The following PRKN variants were observed in gnomAD, a reference collection of about 807,000 sequenced individuals.
PRKN encodes the protein parkin RBR E3 ubiquitin protein ligase, also known as E3 ubiquitin-protein ligase parkin.
PRKN carries 56 observed loss-of-function variants against 59.5 expected under a neutral mutation model. That is an observed-to-expected ratio of 0.94 (90% CI 0.76 to 1.18). The LOEUF (loss-of-function observed/expected upper bound fraction) is 1.18. Ranked by LOEUF, PRKN falls within the 50% of genes most tolerant of loss-of-function variation. The probability of loss-of-function intolerance (pLI) is 0.00; values close to 1 mark genes in which losing one functional copy is unlikely to be tolerated. For missense variants in PRKN, 657 were observed against 596.4 expected (o/e 1.10, Z -1.06); for synonymous variants, 250 against 222.1 (o/e 1.13, Z -1.12).
intron 4 of PRKN, among the ~76,000 whole-genome samples, chr6:162,191,347 T>G (rs913557884): frequency 2.0e-5 from 3 of 152,210 alleles, no homozygotes; most frequent in Non-Finnish European, 4.4e-5. Context: ...TTCGTTACTA[T>G]CACTGGCCAT....
intron 1 of PRKN, among the ~76,000 whole-genome samples, chr6:162,714,662 T>C (rs1778658205): frequency 6.6e-6 from 1 of 152,222 alleles, no homozygotes; most frequent in African/African-American, 2.4e-5. Context: ...TTAGTGATAT[T>C]GTAATTACTC....
chr6:162,692,544 G>C (rs931237574), intron 1 of PRKN, among the ~76,000 whole-genome samples: 1 of 147,576 alleles, frequency 6.8e-6, no homozygotes, highest in Admixed American at 7.0e-5. Context: ...AGTTACCCAC[G>C]TAGGTGTTCC....
At position 161,369,574 on chromosome 6, in the gene PRKN, G is replaced by C. The variant is rs976577338; in HGVS notation, c.1168-9369C>G. Among the ~76,000 whole-genome samples the C allele has an allele frequency of 6.6e-6, 1 of 152,124 alleles. No individual in the cohort carries two copies. The highest frequency in any genetic ancestry group is 1.5e-5 in the Non-Finnish European group (1 of 68,016). On this transcript the variant is annotated intron_variant, in intron 10 of 11. Coordinates refer to ENST00000366898, the MANE Select transcript of PRKN (RefSeq NM_004562.3). This position sits in a 1 kb window ranked among gnomAD's most constrained non-coding sequence, Gnocchi z 5.8. ...TTGTGCAATAAAGTGTGGCTCTCAC[G>C]GGGCAGTGTAACTGTTAGGTAATTG...
At chr6:161,903,460 G>A (rs1778013661) in intron 6 of PRKN, among the ~76,000 whole-genome samples, 2 of 152,170 alleles carry the variant, frequency 1.3e-5, no homozygotes, top group Admixed American at 1.3e-4. Flanking sequence ...AAAGAAAAGA[G>A]GGTGGGACCT....
chr6:162,296,075 A>C (rs2128111119), intron 2 of PRKN, among the ~76,000 whole-genome samples: 1 of 152,330 alleles, frequency 6.6e-6, no homozygotes, highest in African/African-American at 2.4e-5. Flanking sequence ...ATTTTAAATA[A>C]AATTTAAAAA....
intron 1 of PRKN, among the ~76,000 whole-genome samples, chr6:162,582,718 A>T (rs891850202): frequency 6.6e-6 from 1 of 152,158 alleles, no homozygotes; most frequent in South Asian, 2.1e-4. Context: ...CATAAGACCT[A>T]CCACAGTGCT....
At chr6:162,711,886 G>A (rs765938818) in intron 1 of PRKN, among the ~76,000 whole-genome samples, 2 of 152,206 alleles carry the variant, frequency 1.3e-5, no homozygotes, top group Non-Finnish European at 2.9e-5. Context: ...TAGCAGACTT[G>A]TCTTGCACCG....
chr6:162,315,838 T>C (rs1232723603), intron 2 of PRKN, among the ~76,000 whole-genome samples: 1 of 152,208 alleles, frequency 6.6e-6, no homozygotes, highest in Non-Finnish European at 1.5e-5. Flanking sequence ...TCCAAATCTA[T>C]TTACTTAGAA....
intron 1 of PRKN, among the ~76,000 whole-genome samples, chr6:162,532,754 G>A (rs948670704): frequency 9.9e-5 from 15 of 152,152 alleles, no homozygotes; most frequent in African/African-American, 3.4e-4. Context: ...ATCTGTATCG[G>A]AAGCAAAACT....
At chr6:161,767,433 C>T (rs1217175838) in intron 7 of PRKN, among the ~76,000 whole-genome samples, 2 of 151,702 alleles carry the variant, frequency 1.3e-5, no homozygotes, top group South Asian at 2.1e-4. Flanking sequence ...AGGAGAATGG[C>T]GTGAGCCCGG....
At chr6:162,087,573 G>A (rs1401672242) in intron 4 of PRKN, among the ~76,000 whole-genome samples, 1 of 147,542 alleles carries the variant, frequency 6.8e-6, no homozygotes, top group Non-Finnish European at 1.5e-5. Flanking sequence ...GCCTACAGGT[G>A]CTTAGAGAAT....
chr6:162,262,781 G>GT lies in PRKN; in HGVS notation c.172-17dup, dbSNP rs776880599. 5,371 of 1,325,286 alleles carry GT rather than the reference G, an allele frequency of 4.1e-3. 63 individuals carry two copies. The highest frequency in any genetic ancestry group is 0.03 in the African/African-American group (1,812 of 60,220). 82.1% of individuals were successfully genotyped at this position (1,325,286 alleles called of 1,614,324 possible). A position where few individuals can be genotyped will look rare whatever the true frequency, so the allele number is the denominator to read the frequency against. Reference sequence around the variant, plus strand: ...GGTCACAATTCTGTTTGGGAGCAAGGTAAAAAAAAAAAAAAAAAAAAAGGA... The same window carrying GT: ...GGTCACAATTCTGTTTGGGAGCAAGGTTAAAAAAAAAAAAAAAAAAAAAGGA... On this transcript the variant is annotated splice_polypyrimidine_tract_variant and intron_variant, in intron 2 of 11. Coordinates refer to ENST00000366898, the MANE Select transcript of PRKN (RefSeq NM_004562.3).
chr6:161,655,003 A>T lies in PRKN; in HGVS notation c.872-85587T>A, dbSNP rs182664812. 1.9e-3 allele frequency among the ~76,000 whole-genome samples: 288 copies of T among 152,306 alleles called. 2 individuals carry two copies. Among genetic ancestry groups the T allele is most frequent in the African/African-American group, 6.2e-3 (258 of 41,560 alleles). On this transcript the variant is annotated intron_variant, in intron 7 of 11. Transcript: ENST00000366898. Reference sequence around the variant, plus strand: ...GAGCTGACAGGGTGAGGACAGCTGCAGTCAGAGCCAGACGAGGTGTCAGCA... The same window carrying T: ...GAGCTGACAGGGTGAGGACAGCTGCTGTCAGAGCCAGACGAGGTGTCAGCA...
At chr6:162,724,285 T>C (rs567822092) in intron 1 of PRKN, among the ~76,000 whole-genome samples, 1 of 152,374 alleles carries the variant, frequency 6.6e-6, no homozygotes, top group Non-Finnish European at 1.5e-5. Flanking sequence ...GGCACAATTT[T>C]TAACCGACTT....
At chr6:162,099,625 G>A (rs974309497) in intron 4 of PRKN, among the ~76,000 whole-genome samples, 1 of 152,062 alleles carries the variant, frequency 6.6e-6, no homozygotes, top group Non-Finnish European at 1.5e-5. Context: ...ACTTAGCATT[G>A]CAAGCACAGT....
intron 6 of PRKN, among the ~76,000 whole-genome samples, chr6:161,904,386 G>A (rs926613683): frequency 7.2e-6 from 1 of 138,498 alleles, no homozygotes; most frequent in African/African-American, 2.8e-5. Context: ...CACGATCTCA[G>A]CTCACTGCAA....
chr6:161,968,338 C>T (rs1780664995), intron 6 of PRKN, among the ~76,000 whole-genome samples: 2 of 152,024 alleles, frequency 1.3e-5, no homozygotes, highest in East Asian at 3.9e-4. Flanking sequence ...CATGCCCAGC[C>T]TCAGTGTAGA....
chr6:161,829,224 C>T (rs1156617160), intron 6 of PRKN, among the ~76,000 whole-genome samples: 2 of 151,900 alleles, frequency 1.3e-5, no homozygotes, highest in East Asian at 3.9e-4. Flanking sequence ...AGACTCAAAA[C>T]AACAAAAACA....
chr6:161,658,758 C>G (rs1393921055), intron 7 of PRKN, among the ~76,000 whole-genome samples: 1 of 152,184 alleles, frequency 6.6e-6, no homozygotes, highest in Non-Finnish European at 1.5e-5. Context: ...ATGATACTCA[C>G]AGCATACTGT....
Sources: allele counts gnomAD v4.1 joint callset (sites outside exome capture counted in the v4.1 genomes callset), GRCh38; gene constraint gnomAD v4.1.1; non-coding constraint Gnocchi (gnomAD v3.1); transcripts MANE v1.5; gene names NCBI Gene and HGNC (gene_info 2026-07-23, HGNC 2026-07-21).